COX6C: variants seen among roughly 807,000 people sequenced by gnomAD.
COX6C encodes the protein cytochrome c oxidase polypeptide VIc.
In COX6C, 3 loss-of-function variants were observed where a neutral mutation model predicts 6.9. The ratio of observed to expected loss-of-function variants is 0.43; its 90% confidence interval spans 0.20 to 1.12. The LOEUF is 1.12. Among genes scored for constraint, COX6C ranks in the 50% most tolerant of loss-of-function variants. The pLI is 0.27. For synonymous variants in COX6C, 32 were observed against 32.0 expected (o/e 1.00, Z 0.00); for missense variants, 101 against 97.3 (o/e 1.04, Z -0.16).
At chr8:99,879,866 T>G (rs998791872) in intron 3 of COX6C, among the ~76,000 whole-genome samples, 39 of 152,250 alleles carry the variant, frequency 2.6e-4, no homozygotes, top group African/African-American at 9.1e-4. Context: ...TGGAAAGAGC[T>G]GAAAGCAATG....
intron 3 of COX6C, among the ~76,000 whole-genome samples, chr8:99,879,178 T>C (rs1338170831): frequency 2.0e-5 from 3 of 152,208 alleles, no homozygotes; most frequent in African/African-American, 7.2e-5. Flanking sequence ...TCATACATGC[T>C]ATCAAATCAG....
In COX6C at chr8:99,887,479, A is replaced by T. The variant is rs1296493105; in HGVS notation, c.*15+11T>A. 1 of 1,470,628 alleles carries T rather than the reference A, an allele frequency of 6.8e-7. No individual in the cohort carries two copies. Among genetic ancestry groups the T allele is most frequent in the Admixed American group, 2.4e-5 (1 of 42,534 alleles). The allele number at this position is 1,470,628 out of a possible 1,614,324, so 91.1% of individuals were successfully genotyped here. A position where few individuals can be genotyped will look rare whatever the true frequency, so the allele number is the denominator to read the frequency against. ...AATTTTTTTTTAAGTAACTTCAAAT[A>T]ACCATATTACCTTTATATTCCAAGA... On this transcript the variant is annotated intron_variant, in intron 3 of 3. Coordinates refer to ENST00000520468, the MANE Select transcript of COX6C (RefSeq NM_004374.4).
At chr8:99,889,711 C>T (rs1186315204) in intron 2 of COX6C, among the ~76,000 whole-genome samples, 1 of 151,932 alleles carries the variant, frequency 6.6e-6, no homozygotes, top group Non-Finnish European at 1.5e-5. Flanking sequence ...TTGGCTGACA[C>T]CTCTGCCTCC....
At chr8:99,883,393 C>CTG (rs1313986934) in intron 3 of COX6C, among the ~76,000 whole-genome samples, 2 of 149,186 alleles carry the variant, frequency 1.3e-5, no homozygotes, top group African/African-American at 5.0e-5. Context: ...ATATATATAT[C>CTG]TGTGTGTGTG....
intron 3 of COX6C, among the ~76,000 whole-genome samples, chr8:99,886,730 G>A (rs1817947700): frequency 6.6e-6 from 1 of 152,150 alleles, no homozygotes; most frequent in South Asian, 2.1e-4. Context: ...AGTACACTAC[G>A]CTAAGTGAAA....
In COX6C at chr8:99,887,670, A is replaced by G. The variant is rs535309759; in HGVS notation, c.115-52T>C. 7.5e-6 allele frequency: 9 copies of G among 1,202,552 alleles called. No homozygotes were observed. The East Asian group carries it at 1.2e-4, about 16-fold the overall frequency. 74.5% of individuals were successfully genotyped at this position (1,202,552 alleles called of 1,614,324 possible). A position where few individuals can be genotyped will look rare whatever the true frequency, so the allele number is the denominator to read the frequency against. On this transcript the variant is annotated intron_variant, in intron 2 of 3. Coordinates refer to ENST00000520468, the MANE Select transcript of COX6C (RefSeq NM_004374.4). The stretch of plus-strand genomic sequence containing the variant: ...TATTTTTCAGATTACTGGAAATTAG[A>G]TTCCAGATTATAATATATAAAGACA...
intron 1 of COX6C, chr8:99,892,971 T>C (rs938390760): frequency 3.9e-5 from 6 of 152,188 alleles, no homozygotes; most frequent in African/African-American, 1.4e-4. Context: ...GCAAATACCA[T>C]GAGGGCCCAA....
intron 3 of COX6C, chr8:99,878,744 A>G (rs1817796628): frequency 6.6e-6 from 1 of 152,222 alleles, no homozygotes; most frequent in Admixed American, 6.5e-5. Flanking sequence ...TGATTATAAA[A>G]TGCATGCTCA....
At chr8:99,883,431 GTA>G (rs200730190) in intron 3 of COX6C, among the ~76,000 whole-genome samples, 82 of 138,132 alleles carry the variant, frequency 5.9e-4, no homozygotes, top group African/African-American at 2.0e-3. Context: ...GTGTATATAT[GTA>G]TGTGTGTGTG....
chr8:99,888,629 T>C (rs747370387), intron 2 of COX6C, among the ~76,000 whole-genome samples: 2 of 152,182 alleles, frequency 1.3e-5, no homozygotes, highest in Non-Finnish European at 2.9e-5. Flanking sequence ...CATCATTACA[T>C]GTACGGTTAA....
intron 3 of COX6C, among the ~76,000 whole-genome samples, chr8:99,881,666 TATAAAATA>T (rs1817867809): frequency 6.6e-6 from 1 of 152,134 alleles, no homozygotes; most frequent in African/African-American, 2.4e-5. Flanking sequence ...AACATGTCAC[TATAAAATA>T]AAAGAGTGAG....
At chr8:99,883,425 A>G (rs918936940) in intron 3 of COX6C, among the ~76,000 whole-genome samples, 5 of 139,752 alleles carry the variant, frequency 3.6e-5, no homozygotes, top group African/African-American at 5.9e-5. Flanking sequence ...GTGTGTGTGT[A>G]TATATGTATG....
intron 2 of COX6C, among the ~76,000 whole-genome samples, chr8:99,891,236 AAT>A (rs754453160): frequency 2.6e-5 from 4 of 152,220 alleles, no homozygotes; most frequent in Non-Finnish European, 5.9e-5. Context: ...GCCCTAATCC[AAT>A]ATGAGTGATG....
At chr8:99,888,294 C>T (rs185561946) in intron 2 of COX6C, among the ~76,000 whole-genome samples, 10 of 152,118 alleles carry the variant, frequency 6.6e-5, no homozygotes, top group African/African-American at 2.2e-4. Context: ...AGGCAGAGGT[C>T]GGGCGTGGTG....
At chr8:99,879,352 T>C (rs928888055) in intron 3 of COX6C, among the ~76,000 whole-genome samples, 7 of 152,006 alleles carry the variant, frequency 4.6e-5, no homozygotes, top group African/African-American at 1.7e-4. Flanking sequence ...CAAACTATAC[T>C]GTCCCAAATA....
At chr8:99,890,243 A>G (rs945282101) in intron 2 of COX6C, among the ~76,000 whole-genome samples, 1 of 152,164 alleles carries the variant, frequency 6.6e-6, no homozygotes, top group Non-Finnish European at 1.5e-5. Flanking sequence ...GATTACAGGC[A>G]TGAGACACCA....
chr8:99,881,555 G>A (rs1474991393), intron 3 of COX6C, among the ~76,000 whole-genome samples: 1 of 152,040 alleles, frequency 6.6e-6, no homozygotes, highest in African/African-American at 2.4e-5. Flanking sequence ...ATGCAATTGA[G>A]GTTGTTTTAA....
At chr8:99,887,109 C>T (rs1249872362) in intron 3 of COX6C, 1 of 154,094 alleles carries the variant, frequency 6.5e-6, no homozygotes, top group African/African-American at 2.4e-5. Context: ...GCCTTCCCTA[C>T]CTTAAATGTG....
At chr8:99,888,951 G>T (rs1338062881) in intron 2 of COX6C, among the ~76,000 whole-genome samples, 1 of 152,186 alleles carries the variant, frequency 6.6e-6, no homozygotes, top group African/African-American at 2.4e-5. Context: ...TGAGGTGGGG[G>T]CCTGTTAGCA....
Sources: gnomAD v4.1 joint callset for allele counts (sites outside exome capture counted in the v4.1 genomes callset) on GRCh38, gnomAD v4.1.1 for gene constraint, MANE v1.5 for transcripts, NCBI Gene and HGNC (gene_info 2026-07-23, HGNC 2026-07-21) for gene names.